DUX4: variants seen among roughly 807,000 people sequenced by gnomAD.
The protein encoded by DUX4 is double homeobox 4, also known as double homeobox protein 4.
At chr4:190,179,790 TA>T (rs1742512214), downstream of DUX4, among the ~76,000 whole-genome samples, 1 of 1,758 alleles carries the variant, frequency 5.7e-4, no homozygotes, top group Non-Finnish European at 1.8e-3. Flanking sequence ...AATGCCCCTG[TA>T]GGCAAGCCTA....
downstream of DUX4, among the ~76,000 whole-genome samples, chr4:190,176,019 T>A (rs1229772078): frequency 4.5e-5 from 5 of 110,756 alleles, no homozygotes; most frequent in African/African-American, 1.3e-4. Context: ...TGTAGAGATA[T>A]GTTAAAATTC....
chr4:190,175,957 A>G (rs1742284879), downstream of DUX4: 1 of 110,394 alleles, frequency 9.1e-6, no homozygotes, highest in African/African-American at 2.6e-5. Context: ...TGTGTTTCAG[A>G]ACTCCATAGT....
chr4:190,181,175 C>CCACAGT (rs1742550091), intron 1 of DUX4, among the ~76,000 whole-genome samples: 50 of 98,436 alleles, frequency 5.1e-4, no homozygotes, highest in Admixed American at 1.3e-3. Context: ...AGAGCTTAGA[C>CCACAGT]TAGAGTTACA....
rs1742633065 is a variant in DUX4 at position 190,183,733 on chromosome 4, T to C, written n.93-1608T>C. Among the ~76,000 whole-genome samples, 2 of 115,396 alleles carry C rather than the reference T, an allele frequency of 1.7e-5. 1 individual carries two copies. Among genetic ancestry groups the C allele is most frequent in the African/African-American group, 5.1e-5 (2 of 38,890 alleles). 75.7% of individuals were successfully genotyped at this position (115,396 alleles called of 152,430 possible). A position where few individuals can be genotyped will look rare whatever the true frequency, so the allele number is the denominator to read the frequency against. On this transcript the variant is annotated intron_variant and non_coding_transcript_variant, in intron 1 of 2. Transcript: ENST00000563716. The stretch of plus-strand genomic sequence containing the variant: ...TCTTATTTTAAGGAAAATATGCTAA[T>C]TTTAAACTCCAAATACTTATGAATG...
chr4:190,178,734 G>A (rs1579834639), downstream of DUX4, among the ~76,000 whole-genome samples: 1 of 146,544 alleles, frequency 6.8e-6, no homozygotes. Context: ...CATCACCTGG[G>A]TGATCAGAGC....
At chr4:190,178,187 G>C (rs1579833893), downstream of DUX4, among the ~76,000 whole-genome samples, 342 of 144,182 alleles carry the variant, frequency 2.4e-3, no homozygotes, top group East Asian at 6.6e-3. Context: ...ACATTACCTG[G>C]GTGATCAGTG....
chr4:190,179,386 C>A (rs1742489774), downstream of DUX4, among the ~76,000 whole-genome samples: 4 of 150,074 alleles, frequency 2.7e-5, no homozygotes, highest in Non-Finnish European at 4.5e-5. Context: ...CCCCTGTAGG[C>A]AGAGCCTTGA....
intron 1 of DUX4, among the ~76,000 whole-genome samples, chr4:190,181,672 T>TTCC (rs1742589685): frequency 1.3e-5 from 2 of 151,862 alleles, no homozygotes; most frequent in African/African-American, 4.8e-5. Context: ...ATCACCTGGG[T>TTCC]GATCAGTGCA....
At chr4:190,177,188 A>ACGCCCCTGTAGGGAGAG (rs1742349559), downstream of DUX4, among the ~76,000 whole-genome samples, 1 of 105,366 alleles carries the variant, frequency 9.5e-6, no homozygotes, top group South Asian at 3.1e-4. Flanking sequence ...CTATGTCAAA[A>ACGCCCCTGTAGGGAGAG]CGCCCCTGTA....
downstream of DUX4, among the ~76,000 whole-genome samples, chr4:190,178,166 A>C: frequency 1.6e-5 from 2 of 126,030 alleles, no homozygotes; most frequent in Non-Finnish European, 3.4e-5. Context: ...GGCAGAGACT[A>C]GAAAAGAGTT....
At chr4:190,179,716 C>A (rs1742508406), downstream of DUX4, among the ~76,000 whole-genome samples, 9 of 149,084 alleles carry the variant, frequency 6.0e-5, no homozygotes, top group Non-Finnish European at 1.3e-4. Context: ...TGTCTCAATC[C>A]CCCTGTGGGC....
chr4:190,178,265 T>TGCAGATATATGTCACAATGTCCCCTGCA (rs1742413923), downstream of DUX4, among the ~76,000 whole-genome samples: 1 of 129,682 alleles, frequency 7.7e-6, no homozygotes, highest in Admixed American at 7.6e-5. Flanking sequence ...GGGTGATCAG[T>TGCAGATATATGTCACAATGTCCCCTGCA]GTAGAGATAT....
downstream of DUX4, among the ~76,000 whole-genome samples, chr4:190,177,042 A>G (rs1579832332): frequency 9.7e-4 from 142 of 145,832 alleles, no homozygotes; most frequent in Non-Finnish European, 1.4e-3. Context: ...GTGCAGAGAT[A>G]TGTCACAAAT....
intron 1 of DUX4, among the ~76,000 whole-genome samples, chr4:190,181,708 G>T (rs1742590994): frequency 4.4e-4 from 62 of 142,378 alleles, no homozygotes; most frequent in Non-Finnish European, 4.5e-4. Flanking sequence ...GCCCCCATAG[G>T]CAGATCCAAC....
intron 1 of DUX4, among the ~76,000 whole-genome samples, chr4:190,181,245 A>ACAGTCTGTCACCTGGTTGATCAGT (rs1742557353): frequency 6.7e-6 from 1 of 148,434 alleles, no homozygotes; most frequent in Admixed American, 6.8e-5. Flanking sequence ...ATCCAAGACA[A>ACAGTCTGTCACCTGGTTGATCAGT]GAGTCTGTCA....
At chr4:190,182,266 G>GTGAGCATTAGGT (rs2126586093) in intron 1 of DUX4, 2 of 85,990 alleles carry the variant, frequency 2.3e-5, no homozygotes, top group African/African-American at 2.9e-5. Flanking sequence ...TAGGTTTAGG[G>GTGAGCATTAGGT]TTAGGGTTAG....
chr4:190,176,912 A>G (rs1742329161), downstream of DUX4, among the ~76,000 whole-genome samples: 6 of 133,062 alleles, frequency 4.5e-5, no homozygotes, highest in African/African-American at 1.5e-4. Context: ...GATATGTCAC[A>G]AAAATCCCTG....
rs1210546556 is a variant in DUX4 at position 190,175,770 on chromosome 4, C to G, written c.*360C>G. ...CACCTTCCGACGCTGTCTAGGCAAACCTGGATTAGAGTTACATCTCCTGGA... is the reference window on the plus strand; with the variant it reads ...CACCTTCCGACGCTGTCTAGGCAAAGCTGGATTAGAGTTACATCTCCTGGA... On this transcript the variant is annotated 3_prime_UTR_variant, in exon 2 of 2. Coordinates refer to ENST00000565211, the MANE Select transcript of DUX4 (RefSeq NM_001306068.3). The G allele has an allele frequency of 2.0e-5, 3 of 152,988 alleles. 1 individual carries two copies. Among genetic ancestry groups the G allele is most frequent in the Non-Finnish European group, 3.8e-5 (3 of 79,320 alleles). 9.5% of individuals were successfully genotyped at this position (152,988 alleles called of 1,614,324 possible).
At chr4:190,177,914 T>A (rs1742394980), downstream of DUX4, among the ~76,000 whole-genome samples, 82 of 148,526 alleles carry the variant, frequency 5.5e-4, no homozygotes, top group South Asian at 1.3e-3. Context: ...ATCACCTGGG[T>A]GATCAGTGTG....
Sources: allele counts gnomAD v4.1 joint callset (sites outside exome capture counted in the v4.1 genomes callset), GRCh38; gene constraint gnomAD v4.1.1; transcripts MANE v1.5; gene names NCBI Gene and HGNC (gene_info 2026-07-23, HGNC 2026-07-21).